The following CNTN4 variants were observed in gnomAD, a reference collection of about 807,000 sequenced individuals.
The protein encoded by CNTN4 is contactin-4.
CNTN4 carries 77 observed loss-of-function variants against 122.5 expected under a neutral mutation model. The ratio of observed to expected loss-of-function variants is 0.63; its 90% CI spans 0.52 to 0.76. The LOEUF is 0.76. Among genes scored for constraint, CNTN4 ranks in the 30% least tolerant of loss-of-function variants. The pLI is 0.00. For synonymous variants in CNTN4, 512 were observed against 447.0 expected, an observed-to-expected ratio of 1.15 and a Z score of -1.83; for missense variants, 1,256 against 1,259.1, an observed-to-expected ratio of 1.00 and a Z score of 0.04.
intron 6 of CNTN4, among the ~76,000 whole-genome samples, chr3:2,801,108 C>CCACAAGGGCAGTTT (rs2092336445): frequency 6.6e-6 from 1 of 152,170 alleles, no homozygotes; most frequent in Non-Finnish European, 1.5e-5. Context: ...GATGTAAGTT[C>CCACAAGGGCAGTTT]CACAAGGGCA....
At chr3:2,907,311 G>A (rs1371678785) in intron 12 of CNTN4, among the ~76,000 whole-genome samples, 2 of 152,034 alleles carry the variant, frequency 1.3e-5, no homozygotes, top group African/African-American at 4.8e-5. Context: ...AGTGGCTCAC[G>A]CCTGTAATCC....
intron 3 of CNTN4, among the ~76,000 whole-genome samples, chr3:2,552,370 T>C (rs2078545142): frequency 6.6e-6 from 1 of 152,148 alleles, no homozygotes; most frequent in South Asian, 2.1e-4. Flanking sequence ...AAAGAATAAA[T>C]TCTGGAAAAT....
At chr3:2,979,228 G>T (rs976289077) in intron 13 of CNTN4, among the ~76,000 whole-genome samples, 37 of 152,088 alleles carry the variant, frequency 2.4e-4, no homozygotes, top group African/African-American at 8.9e-4. Context: ...GCCTCCTGGT[G>T]GGGGAAAGTT....
chr3:2,420,116 C>T (rs1169740384), intron 3 of CNTN4, among the ~76,000 whole-genome samples: 1 of 152,168 alleles, frequency 6.6e-6, no homozygotes, highest in Non-Finnish European at 1.5e-5. Context: ...CTGGTGCTGT[C>T]AGTGCCCTAT....
At position 2,841,584 on chromosome 3, in the gene CNTN4, G is replaced by A. The variant is rs553052183; in HGVS notation, c.454+22003G>A. 2.8e-4 allele frequency among the ~76,000 whole-genome samples: 42 copies of A among 152,228 alleles called. 1 individual carries two copies. Among genetic ancestry groups the A allele is most frequent in the Admixed American group, 2.3e-3 (35 of 15,292 alleles). ...ACCCTCAAACTATATTTGGCCATTG[G>A]CTTCGGGATTTGGTTATTTCCTCAA... On this transcript the variant is annotated intron_variant, in intron 7 of 24. Coordinates refer to ENST00000418658, the MANE Select transcript of CNTN4 (RefSeq NM_175607.3). This position sits in a 1 kb window ranked among gnomAD's most constrained non-coding sequence, Gnocchi z 4.8.
intron 13 of CNTN4, among the ~76,000 whole-genome samples, chr3:2,981,384 C>G (rs532217436): frequency 3.6e-4 from 55 of 151,944 alleles, no homozygotes; most frequent in Admixed American, 1.3e-4. Flanking sequence ...TTGGAGCTTG[C>G]AGTGAGCCGA....
rs1576496731 is a variant in CNTN4 at position 2,701,419 on chromosome 3, G to A, written c.56-34796G>A. Among the ~76,000 whole-genome samples, 10 of 152,314 alleles carry A rather than the reference G, an allele frequency of 6.6e-5. No homozygotes were observed. In the South Asian group the frequency reaches 2.1e-3, roughly 32 times the overall value. ...AGTGAGGATAACAGCACACAAAGTG[G>A]TGAGCATTGCCAGTGAAAATGCAGT... On this transcript the variant is annotated intron_variant, in intron 4 of 24. Coordinates refer to ENST00000418658, the MANE Select transcript of CNTN4 (RefSeq NM_175607.3).
At chr3:3,002,738 C>G (rs947574090) in intron 14 of CNTN4, among the ~76,000 whole-genome samples, 1 of 152,138 alleles carries the variant, frequency 6.6e-6, no homozygotes, top group African/African-American at 2.4e-5. Flanking sequence ...TTAAAACATT[C>G]CAATTTCAAA....
At chr3:2,429,109 G>A (rs901077906) in intron 3 of CNTN4, among the ~76,000 whole-genome samples, 1 of 152,322 alleles carries the variant, frequency 6.6e-6, no homozygotes, top group East Asian at 1.9e-4. Flanking sequence ...ATCCAGGTTT[G>A]TTCCATTGCT....
intron 4 of CNTN4, among the ~76,000 whole-genome samples, chr3:2,596,574 A>T (rs1209200471): frequency 6.6e-6 from 1 of 151,194 alleles, no homozygotes; most frequent in East Asian, 1.9e-4. Context: ...ATATATATTT[A>T]TGCACATTTT....
At position 2,291,265 on chromosome 3, in the gene CNTN4, G is replaced by A. The variant is rs79849912; in HGVS notation, c.-144-47913G>A. On this transcript the variant is annotated intron_variant, in intron 2 of 24. Transcript: ENST00000418658. ...GTGTTCGTCCCCAGTGCTAAGTACA[G>A]ACCCTAGGCATTCAATACATTCTTG... Among the ~76,000 whole-genome samples, 356 of 152,216 alleles carry A rather than the reference G, an allele frequency of 2.3e-3. 2 individuals carry two copies. Among genetic ancestry groups the A allele is most frequent in the African/African-American group, 8.0e-3 (332 of 41,540 alleles).
intron 2 of CNTN4, among the ~76,000 whole-genome samples, chr3:2,181,231 AAAGAGGAAT>A (rs1277148186): frequency 6.6e-6 from 1 of 152,084 alleles, no homozygotes; most frequent in Non-Finnish European, 1.5e-5. Flanking sequence ...ACAATTCCTT[AAAGAGGAAT>A]AAGAAAACAA....
At chr3:2,386,740 TTAAG>T in intron 3 of CNTN4, among the ~76,000 whole-genome samples, 1 of 152,242 alleles carries the variant, frequency 6.6e-6, no homozygotes. Context: ...CAACGAATTA[TTAAG>T]TATTACATAA....
At chr3:2,702,155 T>C (rs1312889373) in intron 4 of CNTN4, among the ~76,000 whole-genome samples, 1 of 152,200 alleles carries the variant, frequency 6.6e-6, no homozygotes, top group Non-Finnish European at 1.5e-5. Context: ...TCTGATTGAC[T>C]TACTTTGAAG....
intron 6 of CNTN4, among the ~76,000 whole-genome samples, chr3:2,751,528 A>G (rs2090090304): frequency 6.6e-6 from 1 of 152,154 alleles, no homozygotes; most frequent in African/African-American, 2.4e-5. Context: ...CAAGTTGAAT[A>G]CTTCAAAAAG....
chr3:2,718,055 AT>A (rs1559424211), intron 4 of CNTN4, among the ~76,000 whole-genome samples: 3 of 152,212 alleles, frequency 2.0e-5, no homozygotes, highest in African/African-American at 7.2e-5. Flanking sequence ...CATATGTTGA[AT>A]ACTAGATTAT....
chr3:3,045,312 A>C (rs1215053517), intron 23 of CNTN4, among the ~76,000 whole-genome samples: 1 of 152,196 alleles, frequency 6.6e-6, no homozygotes, highest in Non-Finnish European at 1.5e-5. Flanking sequence ...TTGAGATCTG[A>C]GAATGGACAG....
chr3:2,536,174 T>C (rs1466994925), intron 3 of CNTN4, among the ~76,000 whole-genome samples: 1 of 152,164 alleles, frequency 6.6e-6, no homozygotes, highest in African/African-American at 2.4e-5. Flanking sequence ...TCCCACCATA[T>C]AACTCAAAGA....
At chr3:2,413,148 A>C (rs1026318265) in intron 3 of CNTN4, among the ~76,000 whole-genome samples, 1 of 152,200 alleles carries the variant, frequency 6.6e-6, no homozygotes, top group East Asian at 1.9e-4. Context: ...TCTAACCAAA[A>C]TTGTCAGAGG....
Sources: gnomAD v4.1 joint callset for allele counts (sites outside exome capture counted in the v4.1 genomes callset) on GRCh38, gnomAD v4.1.1 for gene constraint, Gnocchi (gnomAD v3.1) non-coding constraint, MANE v1.5 for transcripts, NCBI Gene and HGNC (gene_info 2026-07-23, HGNC 2026-07-21) for gene names.